The following RNF121 variants were observed in gnomAD, a reference collection of about 807,000 sequenced individuals.
RNF121 encodes the protein ring finger protein 121.
Under a neutral mutation model 46.5 loss-of-function variants are expected in RNF121, and 21 were observed. The observed-to-expected ratio is 0.45, with a 90% CI of 0.32 to 0.65. The LOEUF (loss-of-function observed/expected upper bound fraction) is 0.65, where lower values mean the gene tolerates loss of function less well. Among genes scored for constraint, RNF121 ranks in the 30% least tolerant of loss-of-function variants. The pLI is 0.04. For synonymous variants in RNF121, 139 were observed against 144.7 expected (o/e 0.96, Z 0.28); for missense variants, 346 against 416.0 (o/e 0.83, Z 1.46).
chr11:71,964,431 A>G (rs919615290), intron 3 of RNF121, among the ~76,000 whole-genome samples: 1 of 4,400 alleles, frequency 2.3e-4, no homozygotes, highest in African/African-American at 2.3e-3. Flanking sequence ...AAGATTGGTC[A>G]TCTGAGAGTA....
intron 3 of RNF121, among the ~76,000 whole-genome samples, chr11:71,967,210 A>G (rs181956623): frequency 6.6e-6 from 1 of 151,100 alleles, no homozygotes; most frequent in Non-Finnish European, 1.5e-5. Context: ...ATACTGATAT[A>G]AATTTCTACT....
intron 2 of RNF121, among the ~76,000 whole-genome samples, chr11:71,959,748 G>A (rs1178780412): frequency 6.6e-6 from 1 of 150,854 alleles, no homozygotes; most frequent in Admixed American, 6.7e-5. Flanking sequence ...TGATTCTCCT[G>A]CCTCAGCCTC....
intron 1 of RNF121, among the ~76,000 whole-genome samples, chr11:71,934,617 A>T (rs937837118): frequency 6.6e-6 from 1 of 152,198 alleles, no homozygotes; most frequent in African/African-American, 2.4e-5. Context: ...CCAAGCCAAT[A>T]TCTTACTGAG....
chr11:71,991,149 G>A (rs1190838954), intron 6 of RNF121, among the ~76,000 whole-genome samples: 1 of 151,990 alleles, frequency 6.6e-6, no homozygotes, highest in African/African-American at 2.4e-5. Context: ...AGGATCATTC[G>A]CACCCCAGAC....
chr11:71,967,348 T>C (rs1426382802), intron 3 of RNF121, among the ~76,000 whole-genome samples: 1 of 94,954 alleles, frequency 1.1e-5, no homozygotes, highest in Non-Finnish European at 2.4e-5. Flanking sequence ...GGGTTTTTTT[T>C]GTTTTTTTTT....
chr11:71,983,370 A>C (rs1954704494), intron 4 of RNF121, among the ~76,000 whole-genome samples: 1 of 152,162 alleles, frequency 6.6e-6, no homozygotes, highest in South Asian at 2.1e-4. Flanking sequence ...AACCACATCC[A>C]TTTTGTTTGT....
rs545598663 is a variant in RNF121, at chr11:71,957,294, T to C, written c.101+30T>C. On this transcript the variant is annotated intron_variant, in intron 2 of 8. Transcript: ENST00000361756. Reference sequence around the variant, plus strand: ...GTGTGGTAGTTCGGGCCCTGCAGTCTAGGAACTGCAGGTTAACCCAGCTTA... The same window carrying C: ...GTGTGGTAGTTCGGGCCCTGCAGTCCAGGAACTGCAGGTTAACCCAGCTTA... 48 of 1,437,000 alleles carry C rather than the reference T, an allele frequency of 3.3e-5. No homozygotes were observed. In the South Asian group the frequency reaches 4.2e-4, roughly 12 times the overall value. The allele number at this position is 1,437,000 out of a possible 1,614,324, so 89.0% of individuals were successfully genotyped here.
At chr11:71,968,457 T>C (rs532410730) in intron 3 of RNF121, among the ~76,000 whole-genome samples, 170 of 152,338 alleles carry the variant, frequency 1.1e-3, no homozygotes, top group Non-Finnish European at 3.2e-4. Context: ...CTGGTTCTTA[T>C]AAAGTTCTTC....
intron 3 of RNF121, among the ~76,000 whole-genome samples, chr11:71,967,137 C>T (rs1954295837): frequency 6.7e-6 from 1 of 150,340 alleles, no homozygotes; most frequent in Non-Finnish European, 1.5e-5. Context: ...TCCCAAAGTG[C>T]TGGGATTACA....
chr11:71,962,202 T>C (rs1245127146), intron 3 of RNF121: 2 of 241,816 alleles, frequency 8.3e-6, no homozygotes, highest in South Asian at 1.5e-4. Context: ...TCTCCTGACC[T>C]TGTGATCCGC....
chr11:71,974,193 G>A (rs981182100), intron 3 of RNF121, among the ~76,000 whole-genome samples: 6 of 152,060 alleles, frequency 3.9e-5, no homozygotes, highest in African/African-American at 4.8e-5. Flanking sequence ...CACCCTCCTC[G>A]GCCTCCCAAA....
At chr11:71,936,807 TGAA>T (rs1406826487) in intron 1 of RNF121, among the ~76,000 whole-genome samples, 2 of 119,254 alleles carry the variant, frequency 1.7e-5, no homozygotes, top group African/African-American at 6.3e-5. Flanking sequence ...AAGATGAAGA[TGAA>T]GAGGAATATT....
rs558743807 is a variant in RNF121 at position 71,989,594 on chromosome 11, CACAT to C, written c.507-996_507-993del. 2.3e-3 allele frequency among the ~76,000 whole-genome samples: 357 copies of C among 152,112 alleles called. 2 individuals carry two copies. Among genetic ancestry groups the C allele is most frequent in the African/African-American group, 8.3e-3 (343 of 41,506 alleles). ...TATATAAATATAATTTATAACTAAG[CACAT>C]ACATACGGTTCTTTGTACAAATATT... is the stretch of plus-strand genomic sequence containing the variant. On this transcript the variant is annotated intron_variant, in intron 5 of 8. Transcript: ENST00000361756.
intron 1 of RNF121, among the ~76,000 whole-genome samples, chr11:71,949,767 T>G (rs1219156945): frequency 1.3e-5 from 2 of 150,110 alleles, no homozygotes; most frequent in Non-Finnish European, 3.0e-5. Context: ...GAGGCTGAGG[T>G]GGGTGGATCA....
At chr11:71,938,229 A>G (rs1224560343) in intron 1 of RNF121, among the ~76,000 whole-genome samples, 6 of 150,338 alleles carry the variant, frequency 4.0e-5, no homozygotes, top group East Asian at 1.9e-4. Context: ...CTTTTCTCCT[A>G]TTTTAGTAAC....
chr11:71,981,568 G>T (rs1954659829), intron 3 of RNF121, among the ~76,000 whole-genome samples: 2 of 152,162 alleles, frequency 1.3e-5, no homozygotes. Flanking sequence ...TGGTTGAGGA[G>T]GGAGTTAGGA....
intron 1 of RNF121, among the ~76,000 whole-genome samples, chr11:71,931,987 T>G (rs1450441718): frequency 2.0e-5 from 3 of 152,222 alleles, no homozygotes; most frequent in Non-Finnish European, 2.9e-5. Context: ...CAGGATATTA[T>G]ACCTATGTTT....
intron 3 of RNF121, among the ~76,000 whole-genome samples, chr11:71,973,508 C>T (rs369033088): frequency 3.3e-5 from 5 of 149,846 alleles, no homozygotes; most frequent in African/African-American, 9.8e-5. Flanking sequence ...AAAAACAGGC[C>T]GGGCGCGGTG....
chr11:71,957,382 T>C (rs957439183), intron 2 of RNF121, 118 bp downstream of exon 2: 1 of 757,172 alleles, frequency 1.3e-6, no homozygotes, highest in East Asian at 2.4e-5. Context: ...TCATGACCGG[T>C]AGGACTGGTC....
Sources: gnomAD v4.1 joint callset for allele counts (sites outside exome capture counted in the v4.1 genomes callset) on GRCh38, gnomAD v4.1.1 for gene constraint, MANE v1.5 for transcripts, NCBI Gene and HGNC (gene_info 2026-07-23, HGNC 2026-07-21) for gene names.